COL21A1: variants seen among roughly 807,000 people sequenced by gnomAD.
COL21A1 encodes the protein collagen alpha-1(XXI) chain.
In COL21A1, 149 loss-of-function variants were observed where a neutral mutation model predicts 137.9. The observed-to-expected ratio is 1.08, with a 90% CI of 0.95 to 1.24. COL21A1 has a LOEUF of 1.24. Among genes scored for constraint, COL21A1 ranks in the 50% most tolerant of loss-of-function variants. The pLI is 0.00. For synonymous variants in COL21A1, 456 were observed against 391.5 expected (o/e 1.16, Z -1.95); for missense variants, 1,167 against 1,158.4 (o/e 1.01, Z -0.11).
chr6:56,305,251 G>T (rs1057245287), intron 1 of COL21A1, among the ~76,000 whole-genome samples: 2 of 152,124 alleles, frequency 1.3e-5, no homozygotes, highest in African/African-American at 2.4e-5. Context: ...TATTAGGTCT[G>T]CTTGGTGTAG....
At chr6:56,304,467 G>A (rs1307504778) in intron 1 of COL21A1, among the ~76,000 whole-genome samples, 1 of 152,176 alleles carries the variant, frequency 6.6e-6, no homozygotes, top group Non-Finnish European at 1.5e-5. Flanking sequence ...TTGGGAGGGT[G>A]TATGTGTCGA....
chr6:56,251,021 C>A (rs1340723651), upstream of COL21A1, among the ~76,000 whole-genome samples: 1 of 152,042 alleles, frequency 6.6e-6, no homozygotes, highest in Non-Finnish European at 1.5e-5. Flanking sequence ...GTCATAGACC[C>A]CCAAAATTAG....
Position 56,057,394 on chromosome 6 carries a change from A to G in COL21A1, c.*263T>C, listed in dbSNP as rs1300180047. ...CTAACAGGCAATGGTGGATTTTTAT[A>G]TTCAACTTTGATTAACATAAATGGA... On this transcript the variant is annotated 3_prime_UTR_variant, in exon 30 of 30. Coordinates refer to ENST00000244728, the MANE Select transcript of COL21A1 (RefSeq NM_030820.4). 7.4e-6 allele frequency: 3 copies of G among 405,844 alleles called. No individual in the cohort carries two copies. Among genetic ancestry groups the G allele is most frequent in the Non-Finnish European group, 1.3e-5 (3 of 228,044 alleles). The allele number at this position is 405,844 out of a possible 1,614,324, so 25.1% of individuals were successfully genotyped here.
intron 1 of COL21A1, among the ~76,000 whole-genome samples, chr6:56,260,528 T>C (rs1365837401): frequency 6.8e-6 from 1 of 146,578 alleles, no homozygotes; most frequent in Non-Finnish European, 1.5e-5. Flanking sequence ...GAACCAAGAC[T>C]GAGCATCTGC....
At chr6:56,100,997 G>A (rs529756053) in intron 17 of COL21A1, among the ~76,000 whole-genome samples, 2 of 152,260 alleles carry the variant, frequency 1.3e-5, no homozygotes, top group Admixed American at 1.3e-4. Context: ...AAATGTGGGG[G>A]CAAACTATAT....
chr6:56,319,404 C>T (rs372279863), intron 1 of COL21A1, among the ~76,000 whole-genome samples: 17 of 152,278 alleles, frequency 1.1e-4, no homozygotes, highest in South Asian at 6.2e-4. Context: ...GTGGTGTACT[C>T]TCTGCTCATT....
intron 1 of COL21A1, among the ~76,000 whole-genome samples, chr6:56,326,090 CTGAT>C (rs1348749079): frequency 1.6e-5 from 2 of 126,696 alleles, no homozygotes; most frequent in East Asian, 2.2e-4. Context: ...ATTATGATAA[CTGAT>C]TAAGAATTTT....
chr6:56,263,330 A>G (rs868644818), intron 1 of COL21A1, among the ~76,000 whole-genome samples: 18 of 152,224 alleles, frequency 1.2e-4, no homozygotes, highest in African/African-American at 4.1e-4. Flanking sequence ...AGTAACATAT[A>G]AGCTAGATCT....
chr6:56,089,764 A>G (rs1321912009), intron 17 of COL21A1, among the ~76,000 whole-genome samples: 1 of 152,224 alleles, frequency 6.6e-6, no homozygotes, highest in Non-Finnish European at 1.5e-5. Context: ...ATTTACTTAG[A>G]GGATATGTTA....
intron 1 of COL21A1, among the ~76,000 whole-genome samples, chr6:56,238,511 C>G (rs1053410889): frequency 1.3e-5 from 2 of 150,856 alleles, no homozygotes; most frequent in African/African-American, 2.4e-5. Context: ...ACAAGCGAGA[C>G]CTGAGGATAC....
intron 1 of COL21A1, among the ~76,000 whole-genome samples, chr6:56,351,610 G>A (rs1157826154): frequency 1.3e-5 from 2 of 152,144 alleles, no homozygotes; most frequent in Non-Finnish European, 2.9e-5. Flanking sequence ...TGTGTATAAT[G>A]CACCCAAAGA....
intron 1 of COL21A1, among the ~76,000 whole-genome samples, chr6:56,267,640 C>CA (rs1562031963): frequency 6.6e-6 from 1 of 151,954 alleles, no homozygotes; most frequent in African/African-American, 2.4e-5. Flanking sequence ...CCTGTAATCC[C>CA]AGCTACTCGG....
intron 16 of COL21A1, among the ~76,000 whole-genome samples, chr6:56,104,749 CACA>C (rs941932231): frequency 7.9e-5 from 12 of 151,970 alleles, no homozygotes; most frequent in Admixed American, 1.3e-4. Flanking sequence ...TGATTTATTC[CACA>C]ACAAGACAGT....
intron 1 of COL21A1, among the ~76,000 whole-genome samples, chr6:56,301,174 A>G (rs1394472777): frequency 6.6e-6 from 1 of 152,106 alleles, no homozygotes; most frequent in Non-Finnish European, 1.5e-5. Flanking sequence ...GGCAAAAGAG[A>G]CTCTAAAGAT....
chr6:56,102,520 G>A (rs991223565), intron 16 of COL21A1, among the ~76,000 whole-genome samples: 4 of 151,988 alleles, frequency 2.6e-5, no homozygotes, highest in African/African-American at 9.7e-5. Context: ...ATTTTTTCCC[G>A]TAAATGTCTC....
chr6:56,303,036 T>C (rs1280512273), intron 1 of COL21A1, among the ~76,000 whole-genome samples: 3 of 152,098 alleles, frequency 2.0e-5, no homozygotes, highest in East Asian at 1.9e-4. Flanking sequence ...GATCAGATAG[T>C]TGTAGATACG....
chr6:56,302,635 T>C (rs1764329285), intron 1 of COL21A1, among the ~76,000 whole-genome samples: 1 of 152,202 alleles, frequency 6.6e-6, no homozygotes, highest in Non-Finnish European at 1.5e-5. Context: ...ATTAGCCCTT[T>C]GTCAGATGAG....
At chr6:56,276,808 T>TG in intron 1 of COL21A1, 1 of 887,632 alleles carries the variant, frequency 1.1e-6, no homozygotes. Flanking sequence ...GTTTTTTTTG[T>TG]TTTTTTTGTT....
At chr6:56,279,139 T>C (rs1379751611) in intron 1 of COL21A1, among the ~76,000 whole-genome samples, 2 of 152,088 alleles carry the variant, frequency 1.3e-5, no homozygotes, top group Non-Finnish European at 2.9e-5. Context: ...GTGAGTGAGT[T>C]CTCATGAGAT....
Sources: gnomAD v4.1 joint callset for allele counts (sites outside exome capture counted in the v4.1 genomes callset) on GRCh38, gnomAD v4.1.1 for gene constraint, MANE v1.5 for transcripts, NCBI Gene and HGNC (gene_info 2026-07-23, HGNC 2026-07-21) for gene names.